The following DOCK11 variants were observed in gnomAD, a reference collection of about 807,000 sequenced individuals.
DOCK11 encodes the protein dedicator of cytokinesis protein 11.
DOCK11 carries 70 observed loss-of-function variants against 169.1 expected under a neutral mutation model. The observed-to-expected ratio is 0.41, with a 90% CI of 0.34 to 0.51. The LOEUF (loss-of-function observed/expected upper bound fraction) is 0.51. Ranked by LOEUF, DOCK11 falls within the 20% of genes least tolerant of loss-of-function variation. The pLI, the probability that DOCK11 is intolerant of heterozygous loss-of-function variation, is 0.10. For synonymous variants in DOCK11, 529 were observed against 541.3 expected, an observed-to-expected ratio of 0.98 and a Z score of 0.32; for missense variants, 1,166 against 1,538.8, an observed-to-expected ratio of 0.76 and a Z score of 4.05.
At chrX:118,676,146 C>A in intron 47 of DOCK11, 97 bp downstream of exon 47, 1 of 523,438 alleles carries the variant, frequency 1.9e-6, no homozygotes, top group Non-Finnish European at 3.1e-6. Context: ...AGATAGAGTG[C>A]CTATTACAAC....
At chrX:118,620,229 G>A (rs1225791696) in intron 31 of DOCK11, among the ~76,000 whole-genome samples, 2 of 111,169 alleles carry the variant, frequency 1.8e-5, no homozygotes, top group African/African-American at 3.3e-5. Flanking sequence ...TTACTTCCAC[G>A]GTATCATAAA....
chrX:118,578,936 T>C (rs975036048), intron 13 of DOCK11, among the ~76,000 whole-genome samples: 4 of 112,012 alleles, frequency 3.6e-5, no homozygotes, highest in Admixed American at 9.5e-5. Context: ...CTTACAGCCC[T>C]ACATGAAGTG....
chrX:118,506,432 G>A (rs1362102215), intron 1 of DOCK11, among the ~76,000 whole-genome samples: 1 of 111,507 alleles, frequency 9.0e-6, no homozygotes, highest in African/African-American at 3.3e-5. Flanking sequence ...TTGAGAGGCC[G>A]AGGTGGGTGG....
intron 35 of DOCK11, chrX:118,632,425 TAC>T (rs1427645022): frequency 8.9e-6 from 1 of 112,368 alleles, no homozygotes; most frequent in Non-Finnish European, 1.9e-5. Context: ...ATAACTAGTA[TAC>T]AGTCTATGTC....
Position 118,590,222 on chromosome X carries a change from A to G in DOCK11, c.2059A>G (p.Lys687Glu), listed in dbSNP as rs754342368. The change falls in exon 19 of 53, where the codon AAA becomes GAA. Residue 687 changes from lysine (K) to glutamate (E), a missense_variant. Transcript: ENST00000276202. ...CTTTCTTTTGCAGTGTATTTATGGA[A>G]AACCTGCAGGGTCTGTTTTTACCAC... ...DASALKCIYG[K>E]PAGSVFTTNA... 4 of 1,208,494 alleles carry G rather than the reference A, an allele frequency of 3.3e-6. No homozygotes were observed. The highest frequency in any genetic ancestry group is 2.5e-4 in the Middle Eastern group (1 of 4,055).
intron 48 of DOCK11, among the ~76,000 whole-genome samples, chrX:118,679,376 A>G (rs2016685806): frequency 8.9e-6 from 1 of 112,372 alleles, no homozygotes; most frequent in African/African-American, 3.2e-5. Flanking sequence ...GCCTGTCTCC[A>G]CTAATGAGAG....
chrX:118,618,755 A>G (rs1462247060), intron 31 of DOCK11, 27 bp downstream of exon 31: 9 of 1,093,834 alleles, frequency 8.2e-6, no homozygotes, highest in Admixed American at 2.5e-5. Flanking sequence ...AGTCATCAGT[A>G]TCACACTGGT....
At position 118,628,200 on chromosome X, in the gene DOCK11, A is replaced by G. The variant is rs767482272; in HGVS notation, c.3702A>G (p.Arg1234=). 25 of 1,205,120 alleles carry G rather than the reference A, an allele frequency of 2.1e-5. No homozygotes were observed. In the South Asian group the frequency reaches 3.9e-4, roughly 19 times the overall value. The change falls in exon 34 of 53, where the codon AGA becomes AGG. Residue 1234 remains arginine, a synonymous_variant. Coordinates refer to ENST00000276202, the MANE Select transcript of DOCK11 (RefSeq NM_144658.4). ...GSFQNGHGIK[R]EDSRGSLIPE... is the part of the protein sequence containing the mutation. Reference sequence around the variant, plus strand: ...TTCAAAATGGACATGGAATTAAGAGAGAAGATTCAAGAGGTTCCCTCATCC... The same window carrying G: ...TTCAAAATGGACATGGAATTAAGAGGGAAGATTCAAGAGGTTCCCTCATCC...
Position 118,609,284 on chromosome X carries a change from T to C in DOCK11, c.2884T>C (p.Trp962Arg). The change falls in exon 27 of 53, where the codon TGG becomes CGG. Residue 962 changes from tryptophan to arginine, a missense_variant. Physicochemically the swap from Trp to Arg is moderately radical, Grantham distance 101. Transcript: ENST00000276202. Reference protein sequence around the residue: ...LSINKLLKYSWFFFEIIAKSM... With the variant: ...LSINKLLKYSRFFFEIIAKSM... ...CTCTTTCTTTTTTTTTCAGTACTCA[T>C]GGTTTTTCTTTGAAATAATTGCAAA... 2 of 1,194,530 alleles carry C rather than the reference T, an allele frequency of 1.7e-6. No individual in the cohort carries two copies. The highest frequency in any genetic ancestry group is 1.7e-5 in the African/African-American group (1 of 57,303).
intron 28 of DOCK11, among the ~76,000 whole-genome samples, chrX:118,613,209 A>G (rs1036362908): frequency 1.8e-5 from 2 of 112,092 alleles, no homozygotes; most frequent in Admixed American, 9.5e-5. Flanking sequence ...AGAATGTAGT[A>G]CATTGTCTCA....
In DOCK11 at chrX:118,588,406, A is replaced by G; in HGVS notation, c.1981-7A>G. On this transcript the variant is annotated splice_polypyrimidine_tract_variant and splice_region_variant and intron_variant, in intron 17 of 52. Coordinates refer to ENST00000276202, the MANE Select transcript of DOCK11 (RefSeq NM_144658.4). ...TGTGACTCATTTTGACTGATTAATC[A>G]TTTTAGGCAAGGAACATTGCAGTCT... 3.4e-6 allele frequency: 4 copies of G among 1,184,755 alleles called. No individual in the cohort carries two copies. Among genetic ancestry groups the G allele is most frequent in the Non-Finnish European group, 4.5e-6 (4 of 882,939 alleles).
intron 1 of DOCK11, among the ~76,000 whole-genome samples, chrX:118,502,545 A>G (rs938706740): frequency 8.9e-6 from 1 of 111,830 alleles, no homozygotes; most frequent in Non-Finnish European, 1.9e-5. Flanking sequence ...GAGACAGAGC[A>G]TAAGCTAGAG....
At chrX:118,638,232 TG>T in intron 37 of DOCK11, 105 bp downstream of exon 37, 1 of 708,426 alleles carries the variant, frequency 1.4e-6, no homozygotes, top group South Asian at 2.4e-5. Flanking sequence ...GAGTTAACAT[TG>T]GGATACCGGT....
chrX:118,583,974 C>T (rs142597813), intron 14 of DOCK11, among the ~76,000 whole-genome samples: 253 of 111,303 alleles, frequency 2.3e-3, no homozygotes, highest in African/African-American at 7.7e-3. Flanking sequence ...TCCACGGATG[C>T]GGAGCCTGTG....
chrX:118,574,091 T>C (rs981488144), intron 12 of DOCK11, 73 bp downstream of exon 12: 15 of 1,011,525 alleles, frequency 1.5e-5, no homozygotes, highest in Admixed American at 1.0e-4. Flanking sequence ...TATTTCATGG[T>C]TTCAGGCCAA....
At chrX:118,583,781 A>C (rs1315917) in intron 14 of DOCK11, among the ~76,000 whole-genome samples, 49,407 of 110,368 alleles carry the variant, frequency 0.45, 8,773 homozygotes, top group African/African-American at 0.65. Context: ...CATGTAACCT[A>C]TTCACATCCT....
At chrX:118,575,328 G>T (rs976860539) in intron 12 of DOCK11, among the ~76,000 whole-genome samples, 6 of 111,241 alleles carry the variant, frequency 5.4e-5, no homozygotes, top group African/African-American at 2.0e-4. Context: ...AATATCTATA[G>T]ATCAGTCATA....
Position 118,685,738 on chromosome X carries a change from T to C in DOCK11, c.6153T>C (p.His2051=), listed in dbSNP as rs762336207. Residue 2051 remains histidine, a synonymous_variant, in exon 53 of 53, where the codon CAT becomes CAC. Coordinates refer to ENST00000276202, the MANE Select transcript of DOCK11 (RefSeq NM_144658.4). ...MHSPWMSNTL[H]VFCAISGTSS... ...CTCCCTGGATGAGCAACACATTACA[T>C]GTATTTTGTGCAATTAGTGGTACAT... 30 of 1,211,254 alleles carry C rather than the reference T, an allele frequency of 2.5e-5. No homozygotes were observed. The highest frequency in any genetic ancestry group is 3.4e-5 in the Non-Finnish European group (30 of 894,899).
intron 40 of DOCK11, among the ~76,000 whole-genome samples, chrX:118,648,626 T>C (rs968573352): frequency 2.0e-5 from 2 of 100,875 alleles, no homozygotes; most frequent in African/African-American, 7.1e-5. Flanking sequence ...ATATAATACA[T>C]ATATAATATA....
Sources: gnomAD v4.1 joint callset for allele counts (sites outside exome capture counted in the v4.1 genomes callset) on GRCh38, gnomAD v4.1.1 for gene constraint, MANE v1.5 for transcripts, NCBI Gene and HGNC (gene_info 2026-07-23, HGNC 2026-07-21) for gene names.